KCNQ4: variants seen among roughly 807,000 people sequenced by gnomAD.
KCNQ4 encodes potassium voltage-gated channel subfamily Q member 4, also known as potassium voltage-gated channel subfamily KQT member 4.
In KCNQ4, 31 loss-of-function variants were observed where a neutral mutation model predicts 72.6. That is an observed-to-expected ratio of 0.43 (90% CI 0.32 to 0.58). KCNQ4 has a LOEUF of 0.58. Among genes scored for constraint, KCNQ4 ranks in the 20% least tolerant of loss-of-function variants. The pLI is 0.08. For synonymous variants in KCNQ4, 405 were observed against 403.7 expected, an observed-to-expected ratio of 1.00 and a Z score of -0.04; for missense variants, 869 against 962.6, an observed-to-expected ratio of 0.90 and a Z score of 1.29.
chr1:40,834,872 G>A, intron 11 of KCNQ4, 95 bp from the exon 12 acceptor site: 1 of 1,551,692 alleles, frequency 6.4e-7, no homozygotes, highest in Non-Finnish European at 8.8e-7. Context: ...AGGTGCCCTG[G>A]TGCTGGACAA....
chr1:40,810,543 G>A (rs538995858), intron 1 of KCNQ4, among the ~76,000 whole-genome samples: 177 of 152,162 alleles, frequency 1.2e-3, no homozygotes, highest in Non-Finnish European at 2.0e-3. Flanking sequence ...CTTTTCTGCT[G>A]TGAGATGCCC....
intron 11 of KCNQ4, among the ~76,000 whole-genome samples, chr1:40,833,538 G>A (rs2148331548): frequency 6.6e-6 from 1 of 152,244 alleles, no homozygotes; most frequent in African/African-American, 2.4e-5. Flanking sequence ...CCTAGGCATG[G>A]ATCTGGCCTC....
Position 40,829,532 on chromosome 1 carries a change from G to A in KCNQ4, c.1293-1552G>A, listed in dbSNP as rs545368803. On this transcript the variant is annotated intron_variant, in intron 9 of 13. Transcript: ENST00000347132. ...CCTTCCTGAAGGTGCCCCTGGTTTCGAGGTCTCCCTCACTTCAGCACCTTG... is the reference window on the plus strand; with the variant it reads ...CCTTCCTGAAGGTGCCCCTGGTTTCAAGGTCTCCCTCACTTCAGCACCTTG... Among the ~76,000 whole-genome samples the A allele has an allele frequency of 3.9e-5, 6 of 152,164 alleles. No individual in the cohort carries two copies. The South Asian group carries it at 6.2e-4, about 16-fold the overall frequency.
At chr1:40,833,160 C>A in intron 11 of KCNQ4, 47 bp downstream of exon 11, 1 of 1,393,718 alleles carries the variant, frequency 7.2e-7, no homozygotes, top group Non-Finnish European at 1.0e-6. Flanking sequence ...GTGCCACCCA[C>A]TGCTGCTCCC....
In KCNQ4 at chr1:40,839,248, A is replaced by G. The variant is rs1648905441; in HGVS notation, c.*725A>G. 1 of 152,290 alleles carries G rather than the reference A, an allele frequency of 6.6e-6. No individual in the cohort carries two copies. Among genetic ancestry groups the G allele is most frequent in the African/African-American group, 2.4e-5 (1 of 41,256 alleles). The allele number at this position is 152,290 out of a possible 1,614,324, so 9.4% of individuals were successfully genotyped here. On this transcript the variant is annotated 3_prime_UTR_variant, in exon 14 of 14. Transcript: ENST00000347132. ...GGGCAATGCCTGGGCCTTTCTTCCC[A>G]TTTGCAAGTGTCAGCTCCCAGGGGC...
Position 40,838,483 on chromosome 1 carries a change from C to G in KCNQ4, c.2048C>G (p.Thr683Arg). Reference sequence around the variant, plus strand: ...GAGGACATCTCCGTCTCCGCACAGACGCTCAGCATCTCCCGCTCGGTCAGC... The same window carrying G: ...GAGGACATCTCCGTCTCCGCACAGAGGCTCAGCATCTCCCGCTCGGTCAGC... ...DHEDISVSAQTLSISRSVSTN... is the reference protein window; with the variant it reads ...DHEDISVSAQRLSISRSVSTN... The change falls in exon 14 of 14, where the codon ACG becomes AGG. Residue 683 changes from threonine to arginine, a missense_variant. Around this residue, in one of 5 missense-constraint regions of KCNQ4, gnomAD observed 480 missense variants for 501.9 expected, o/e 0.96. Coordinates refer to ENST00000347132, the MANE Select transcript of KCNQ4 (RefSeq NM_004700.4). 6.2e-7 allele frequency: 1 copy of G among 1,614,156 alleles called. No individual in the cohort carries two copies. Among genetic ancestry groups the G allele is most frequent in the Non-Finnish European group, 8.5e-7 (1 of 1,179,964 alleles).
chr1:40,816,250 G>A (rs1648082674), intron 1 of KCNQ4, among the ~76,000 whole-genome samples: 1 of 152,156 alleles, frequency 6.6e-6, no homozygotes, highest in South Asian at 2.1e-4. Flanking sequence ...TCCAGGGTGT[G>A]TGCATGTTCA....
At chr1:40,785,782 G>T (rs1233604404) in intron 1 of KCNQ4, among the ~76,000 whole-genome samples, 2 of 152,042 alleles carry the variant, frequency 1.3e-5, no homozygotes, top group African/African-American at 2.4e-5. Flanking sequence ...TGCCCCATCT[G>T]AACTGGGCCC....
intron 10 of KCNQ4, among the ~76,000 whole-genome samples, chr1:40,831,615 T>G (rs1648650263): frequency 6.6e-6 from 1 of 152,170 alleles, no homozygotes; most frequent in South Asian, 2.1e-4. Flanking sequence ...TGACCTAATT[T>G]CTCTGGGCCT....
At chr1:40,815,549 C>T (rs1179546319) in intron 1 of KCNQ4, among the ~76,000 whole-genome samples, 1 of 152,180 alleles carries the variant, frequency 6.6e-6, no homozygotes, top group Admixed American at 6.5e-5. Flanking sequence ...AGCTGGTGCT[C>T]TTCTCTTCTG....
At chr1:40,833,644 C>T (rs1648723186) in intron 11 of KCNQ4, among the ~76,000 whole-genome samples, 1 of 151,946 alleles carries the variant, frequency 6.6e-6, no homozygotes, top group South Asian at 2.1e-4. Context: ...TCTGGGCTCC[C>T]CACTTTCTTC....
In KCNQ4 at chr1:40,784,922, G is replaced by C. The variant is rs1647187612; in HGVS notation, c.314+515G>C. On this transcript the variant is annotated intron_variant, in intron 1 of 13. Transcript: ENST00000347132. This position sits in a 1 kb window ranked among gnomAD's most constrained non-coding sequence, Gnocchi z 4.1. ...CATTCCTACCCCTGCCCAGCTGACT[G>C]TGGGTGTGTGGGGGTCCCTGTGGGC... is the stretch of plus-strand genomic sequence containing the variant. 6.6e-6 allele frequency among the ~76,000 whole-genome samples: 1 copy of C among 152,240 alleles called. No individual in the cohort carries two copies. The highest frequency in any genetic ancestry group is 1.5e-5 in the Non-Finnish European group (1 of 68,044).
intron 8 of KCNQ4, among the ~76,000 whole-genome samples, chr1:40,823,411 G>A (rs1260216036): frequency 6.6e-6 from 1 of 152,100 alleles, no homozygotes; most frequent in African/African-American, 2.4e-5. Flanking sequence ...GAAATACAAT[G>A]TGTATGAGGG....
chr1:40,830,501 C>T (rs1648605817), intron 9 of KCNQ4, among the ~76,000 whole-genome samples: 1 of 152,152 alleles, frequency 6.6e-6, no homozygotes, highest in South Asian at 2.1e-4. Context: ...CATGTAAACA[C>T]ACGCCAACAT....
chr1:40,784,170 T>C lies in KCNQ4; in HGVS notation c.77T>C (p.Leu26Pro). The change falls in exon 1 of 14, where the codon CTC becomes CCC. Residue 26 changes from leucine (L) to proline (P), a missense_variant. Transcript: ENST00000347132. The surrounding 1 kb of genome is among the most constrained non-coding windows in gnomAD (Gnocchi z 4.1). ...GCCCCCCGCGCGGAGCTAGTGGCGC[T>C]CACGGCCGTGCAGAGCGAACAGGGC... ...GDAPRAELVA[L>P]TAVQSEQGEA... is the part of the protein sequence containing the mutation. The C allele has an allele frequency of 9.0e-7, 1 of 1,112,138 alleles. No homozygotes were observed. 68.9% of individuals were successfully genotyped at this position (1,112,138 alleles called of 1,614,324 possible).
chr1:40,834,236 G>A lies in KCNQ4; in HGVS notation c.1614-731G>A, dbSNP rs78316852. Among the ~76,000 whole-genome samples the A allele has an allele frequency of 2.5e-3, 387 of 152,244 alleles. 11 individuals are homozygous for A. In the East Asian group the frequency reaches 0.064, roughly 25 times the overall value. ...CAAACCTGCTCCTCTTCCTGGGCTG[G>A]TTCCCATTTCAGGCAGTGGCACCAC... On this transcript the variant is annotated intron_variant, in intron 11 of 13. Transcript: ENST00000347132.
chr1:40,814,832 C>G (rs1424487051), intron 1 of KCNQ4, among the ~76,000 whole-genome samples: 1 of 152,222 alleles, frequency 6.6e-6, no homozygotes, highest in East Asian at 1.9e-4. Flanking sequence ...TAAAAACCAT[C>G]TCTGTTTCAA....
In KCNQ4 at chr1:40,835,081, C is replaced by G; in HGVS notation, c.1728C>G (p.Ile576Met). The change falls in exon 12 of 14, where the codon ATC becomes ATG. Residue 576 changes from isoleucine (I) to methionine (M), a missense_variant. Coordinates refer to ENST00000347132, the MANE Select transcript of KCNQ4 (RefSeq NM_004700.4). The stretch of plus-strand genomic sequence containing the variant: ...GCCACCTGGACATGCTGGGCCGGAT[C>G]AAGAGCCTGCAAACTCGGTGGGTGC... ...SAGHLDMLGR[I>M]KSLQTRVDQI... is the part of the protein sequence containing the mutation. 1 of 1,613,740 alleles carries G rather than the reference C, an allele frequency of 6.2e-7. No individual in the cohort carries two copies. Among genetic ancestry groups the G allele is most frequent in the South Asian group, 1.1e-5 (1 of 91,076 alleles).
At chr1:40,833,423 A>G (rs1404714916) in intron 11 of KCNQ4, among the ~76,000 whole-genome samples, 5 of 151,786 alleles carry the variant, frequency 3.3e-5, no homozygotes, top group African/African-American at 9.7e-5. Context: ...AAAAAAATGT[A>G]TTTTTTATGG....
Sources: allele counts gnomAD v4.1 joint callset (sites outside exome capture counted in the v4.1 genomes callset), GRCh38; gene constraint gnomAD v4.1.1; regional missense constraint gnomAD v4.1.1; non-coding constraint Gnocchi (gnomAD v3.1); transcripts MANE v1.5; gene names NCBI Gene and HGNC (gene_info 2026-07-23, HGNC 2026-07-21).